Variants in KIF26B observed in about 807,000 individuals in gnomAD.
KIF26B encodes kinesin-like protein KIF26B.
In KIF26B, 63 loss-of-function variants were observed where a neutral mutation model predicts 151.2. The observed-to-expected ratio is 0.42, with a 90% CI of 0.34 to 0.51. KIF26B has a LOEUF of 0.51. Ranked by LOEUF, KIF26B falls within the 20% of genes least tolerant of loss-of-function variation. The probability of loss-of-function intolerance (pLI) is 0.07; values close to 1 mark genes in which losing one functional copy is unlikely to be tolerated. For synonymous variants in KIF26B, 1,357 were observed against 1,262.1 expected (o/e 1.08, Z -1.59); for missense variants, 2,813 against 2,913.6 (o/e 0.97, Z 0.79).
intron 2 of KIF26B, among the ~76,000 whole-genome samples, chr1:245,219,997 C>G (rs1314837377): frequency 1.3e-5 from 2 of 152,182 alleles, no homozygotes; most frequent in Non-Finnish European, 2.9e-5. Flanking sequence ...TCTTCCCTTG[C>G]CTTCATAGGA....
intron 4 of KIF26B, among the ~76,000 whole-genome samples, chr1:245,496,156 A>G (rs1660510524): frequency 6.6e-6 from 1 of 152,230 alleles, no homozygotes; most frequent in South Asian, 2.1e-4. Flanking sequence ...GTTAAGTTCA[A>G]ATGTATTAAG....
At chr1:245,545,977 TCAA>T (rs979415610) in intron 5 of KIF26B, among the ~76,000 whole-genome samples, 1 of 152,200 alleles carries the variant, frequency 6.6e-6, no homozygotes, top group Non-Finnish European at 1.5e-5. Context: ...CCATGGTGCA[TCAA>T]CATTTTTAAA....
At chr1:245,673,592 A>T (rs1362614049) in intron 10 of KIF26B, 2 of 152,334 alleles carry the variant, frequency 1.3e-5, no homozygotes, top group Admixed American at 6.5e-5. Flanking sequence ...GATTCTACAC[A>T]CTTCTAATGT....
At chr1:245,313,816 C>T (rs1671709703) in intron 2 of KIF26B, among the ~76,000 whole-genome samples, 1 of 152,172 alleles carries the variant, frequency 6.6e-6, no homozygotes, top group African/African-American at 2.4e-5. Context: ...CATTAAATCC[C>T]CAATGACTCA....
intron 4 of KIF26B, among the ~76,000 whole-genome samples, chr1:245,468,789 G>T (rs757559089): frequency 6.6e-6 from 1 of 152,056 alleles, no homozygotes; most frequent in South Asian, 2.1e-4. Flanking sequence ...AGTAAAACTC[G>T]ATCTGGAGTG....
chr1:245,383,643 T>A (rs704653), intron 3 of KIF26B, among the ~76,000 whole-genome samples: 20,583 of 152,218 alleles, frequency 0.14, 1,645 homozygotes, highest in East Asian at 0.32. Context: ...ATAGTTTATG[T>A]AACTGGCAAC....
At chr1:245,522,130 A>T (rs1018269539) in intron 4 of KIF26B, among the ~76,000 whole-genome samples, 2 of 152,048 alleles carry the variant, frequency 1.3e-5, no homozygotes, top group Admixed American at 6.5e-5. Flanking sequence ...TGGCCTCCCA[A>T]AGTGCTGGGA....
chr1:245,240,901 G>A lies in KIF26B; in HGVS notation c.465+84218G>A, dbSNP rs116029608. 9.9e-3 allele frequency among the ~76,000 whole-genome samples: 1,513 copies of A among 152,138 alleles called. 25 individuals carry two copies. Among genetic ancestry groups the A allele is most frequent in the African/African-American group, 0.034 (1,407 of 41,488 alleles). On this transcript the variant is annotated intron_variant, in intron 2 of 14. Transcript: ENST00000407071. ...CCTGAAGTGACTTGGAGAATGAGGT[G>A]GAAAGAAACTTGCTTCCTCTGTGCC... is the stretch of plus-strand genomic sequence containing the variant.
At chr1:245,650,186 G>C (rs2043999994) in intron 10 of KIF26B, among the ~76,000 whole-genome samples, 1 of 152,242 alleles carries the variant, frequency 6.6e-6, no homozygotes, top group Non-Finnish European at 1.5e-5. Context: ...TAATTTTTGA[G>C]AGCCTCCACC....
At chr1:245,288,030 T>A (rs963592815) in intron 2 of KIF26B, among the ~76,000 whole-genome samples, 1 of 152,018 alleles carries the variant, frequency 6.6e-6, no homozygotes, top group African/African-American at 2.4e-5. Flanking sequence ...ACCAGCAGAA[T>A]CAAGTTCCAT....
chr1:245,435,087 CCA>C (rs1452842790), intron 4 of KIF26B, among the ~76,000 whole-genome samples: 1 of 151,068 alleles, frequency 6.6e-6, no homozygotes, highest in East Asian at 2.0e-4. Context: ...ATCCATCCAT[CCA>C]TCCATCTCTC....
intron 4 of KIF26B, among the ~76,000 whole-genome samples, chr1:245,499,724 C>T (rs193149870): frequency 1.3e-5 from 2 of 152,340 alleles, no homozygotes; most frequent in South Asian, 2.1e-4. Context: ...GTGCGCATGG[C>T]ACTCCGTTAG....
rs1016331073 is a variant in KIF26B, at chr1:245,563,452, C to T, written c.1350+22502C>T. Reference sequence around the variant, plus strand: ...CTCCCGAATCATTAAGAACTCCTGCCCATTGGATGATGTTGCTGTATCTCC... The same window carrying T: ...CTCCCGAATCATTAAGAACTCCTGCTCATTGGATGATGTTGCTGTATCTCC... On this transcript the variant is annotated intron_variant, in intron 5 of 14. Coordinates refer to ENST00000407071, the MANE Select transcript of KIF26B (RefSeq NM_018012.4). This position sits in a 1 kb window ranked among gnomAD's most constrained non-coding sequence, Gnocchi z 4.6. Among the ~76,000 whole-genome samples, 5 of 152,194 alleles carry T rather than the reference C, an allele frequency of 3.3e-5. No homozygotes were observed. Among genetic ancestry groups the T allele is most frequent in the Non-Finnish European group, 7.3e-5 (5 of 68,032 alleles).
At chr1:245,158,216 A>G (rs765604344) in intron 2 of KIF26B, among the ~76,000 whole-genome samples, 1 of 152,196 alleles carries the variant, frequency 6.6e-6, no homozygotes, top group East Asian at 1.9e-4. Context: ...ACCTATTCTT[A>G]TAATAGGCTT....
intron 4 of KIF26B, among the ~76,000 whole-genome samples, chr1:245,479,302 C>T (rs944769770): frequency 6.6e-6 from 1 of 151,928 alleles, no homozygotes; most frequent in Admixed American, 6.5e-5. Flanking sequence ...CCTGTTATCA[C>T]TAAAAACAGA....
intron 5 of KIF26B, among the ~76,000 whole-genome samples, chr1:245,598,919 G>C (rs374467636): frequency 6.6e-6 from 1 of 152,144 alleles, no homozygotes; most frequent in South Asian, 2.1e-4. Context: ...CACTCAGGCT[G>C]TTCCTTTAGC....
chr1:245,579,583 G>T (rs903229772), intron 5 of KIF26B, among the ~76,000 whole-genome samples: 2 of 152,332 alleles, frequency 1.3e-5, no homozygotes, highest in East Asian at 3.9e-4. Flanking sequence ...GCTGAGGCGG[G>T]TGGATCACCT....
chr1:245,303,076 G>A (rs1368040003), intron 2 of KIF26B, among the ~76,000 whole-genome samples: 2 of 150,808 alleles, frequency 1.3e-5, no homozygotes, highest in Non-Finnish European at 2.9e-5. Flanking sequence ...CGGGAAATCT[G>A]GGTTCTGTTC....
chr1:245,157,095 C>T (rs1302541914), intron 2 of KIF26B, among the ~76,000 whole-genome samples: 2 of 152,088 alleles, frequency 1.3e-5, no homozygotes, highest in Non-Finnish European at 2.9e-5. Context: ...ATGCTCGGAG[C>T]TGGCATTTCC....
Sources: gnomAD v4.1 joint callset for allele counts (sites outside exome capture counted in the v4.1 genomes callset) on GRCh38, gnomAD v4.1.1 for gene constraint, Gnocchi (gnomAD v3.1) non-coding constraint, MANE v1.5 for transcripts, NCBI Gene and HGNC (gene_info 2026-07-23, HGNC 2026-07-21) for gene names.